MACROD2: variants seen among roughly 807,000 people sequenced by gnomAD.
MACROD2 encodes the protein ADP-ribose glycohydrolase MACROD2.
A neutral mutation model predicts 70.4 loss-of-function variants in MACROD2; 36 were observed. The ratio of observed to expected loss-of-function variants is 0.51; its 90% confidence interval spans 0.39 to 0.68. The LOEUF (loss-of-function observed/expected upper bound fraction) is 0.68, where lower values mean the gene tolerates loss of function less well. MACROD2 is among the 30% of genes least tolerant of loss of function. The pLI, the probability that MACROD2 is intolerant of heterozygous loss-of-function variation, is 0.00. For synonymous variants in MACROD2, 172 were observed against 178.8 expected, an observed-to-expected ratio of 0.96 and a Z score of 0.30; for missense variants, 496 against 538.4, an observed-to-expected ratio of 0.92 and a Z score of 0.78.
intron 3 of MACROD2, among the ~76,000 whole-genome samples, chr20:14,236,683 C>T (rs548451742): frequency 2.8e-4 from 42 of 152,218 alleles, no homozygotes; most frequent in South Asian, 4.1e-4. Context: ...AGCAACCGCC[C>T]TCTCTTTTCA....
At chr20:14,645,285 A>T (rs1429237347) in intron 4 of MACROD2, among the ~76,000 whole-genome samples, 1 of 152,068 alleles carries the variant, frequency 6.6e-6, no homozygotes. Context: ...GAGTCTGTTG[A>T]ATTTTTCATT....
intron 6 of MACROD2, among the ~76,000 whole-genome samples, chr20:15,309,270 A>AT (rs953588527): frequency 3.3e-5 from 5 of 152,182 alleles, no homozygotes; most frequent in Non-Finnish European, 2.9e-5. Flanking sequence ...TGCTTCATTG[A>AT]TTTTGTCAAG....
At position 15,135,516 on chromosome 20, in the gene MACROD2, C is replaced by G. The variant is rs566305121; in HGVS notation, c.419-94424C>G. ...AAGGCCTTTGACAAAATTCAACAAC[C>G]CTTCATGCTAAAAACTCTCAATAAA... On this transcript the variant is annotated intron_variant, in intron 5 of 17. Transcript: ENST00000684519. 1.2e-3 allele frequency among the ~76,000 whole-genome samples: 167 copies of G among 140,590 alleles called. 1 individual carries two copies. Among genetic ancestry groups the G allele is most frequent in the South Asian group, 0.012 (49 of 4,146 alleles). The allele number at this position is 140,590 out of a possible 152,430, so 92.2% of individuals were successfully genotyped here. A position where few individuals can be genotyped will look rare whatever the true frequency, so the allele number is the denominator to read the frequency against.
At chr20:14,880,797 T>G (rs1432965356) in intron 5 of MACROD2, among the ~76,000 whole-genome samples, 1 of 152,184 alleles carries the variant, frequency 6.6e-6, no homozygotes, top group Non-Finnish European at 1.5e-5. Flanking sequence ...ATGGCATGCA[T>G]TATTTTGTAT....
chr20:15,878,896 T>C (rs1282274459), intron 9 of MACROD2, among the ~76,000 whole-genome samples: 1 of 152,164 alleles, frequency 6.6e-6, no homozygotes, highest in Non-Finnish European at 1.5e-5. Context: ...TTTTCACATA[T>C]ATTTTGTGAT....
At chr20:14,253,391 A>T (rs2082027454) in intron 3 of MACROD2, among the ~76,000 whole-genome samples, 1 of 152,042 alleles carries the variant, frequency 6.6e-6, no homozygotes, top group Admixed American at 6.6e-5. Flanking sequence ...ACTGAGGCAG[A>T]ACATAGGTGA....
At chr20:14,189,372 C>G (rs951910717) in intron 3 of MACROD2, among the ~76,000 whole-genome samples, 2 of 151,888 alleles carry the variant, frequency 1.3e-5, no homozygotes, top group Admixed American at 6.6e-5. Flanking sequence ...TTTCAAAAGA[C>G]TTTTATTTAT....
chr20:15,176,583 G>C (rs1463463741), intron 5 of MACROD2, among the ~76,000 whole-genome samples: 3 of 152,128 alleles, frequency 2.0e-5, no homozygotes, highest in Non-Finnish European at 2.9e-5. Context: ...TGACCTGCTT[G>C]TGGAAATGAG....
intron 3 of MACROD2, among the ~76,000 whole-genome samples, chr20:14,435,574 A>T (rs1485430379): frequency 1.3e-5 from 2 of 152,168 alleles, no homozygotes; most frequent in Non-Finnish European, 2.9e-5. Context: ...AGTACCCCTT[A>T]TGCGTCATTA....
At chr20:14,690,793 A>G (rs776353613) in intron 5 of MACROD2, among the ~76,000 whole-genome samples, 1 of 152,202 alleles carries the variant, frequency 6.6e-6, no homozygotes, top group Non-Finnish European at 1.5e-5. Context: ...GGCTGCTTTC[A>G]TGTGGCAGAG....
intron 8 of MACROD2, among the ~76,000 whole-genome samples, chr20:15,541,402 A>G (rs1490575630): frequency 6.6e-6 from 1 of 152,172 alleles, no homozygotes; most frequent in African/African-American, 2.4e-5. Flanking sequence ...CAAGTAGAAA[A>G]AATAGGAGAC....
intron 5 of MACROD2, among the ~76,000 whole-genome samples, chr20:14,779,267 C>T (rs1361407845): frequency 6.6e-6 from 1 of 152,130 alleles, no homozygotes; most frequent in African/African-American, 2.4e-5. Flanking sequence ...TTGCCATTCT[C>T]AATACTAGTC....
chr20:15,356,789 A>T (rs1396442438), intron 6 of MACROD2, among the ~76,000 whole-genome samples: 1 of 152,152 alleles, frequency 6.6e-6, no homozygotes, highest in Admixed American at 6.5e-5. Context: ...CTCAAAAAAA[A>T]TTTTTACTGT....
chr20:14,752,287 TA>T (rs978119160), intron 5 of MACROD2, among the ~76,000 whole-genome samples: 1 of 152,050 alleles, frequency 6.6e-6, no homozygotes, highest in Non-Finnish European at 1.5e-5. Flanking sequence ...AATTTAAATT[TA>T]AAACATTTAT....
In MACROD2 at chr20:14,334,795, CTT is replaced by C. The variant is rs11087087; in HGVS notation, c.272-158674_272-158673del. ...TTGATTTAAACAGTTATTTCTAATG[CTT>C]TTTTTTTTTAAATAAATGGGTTTGA... On this transcript the variant is annotated intron_variant, in intron 3 of 17. Coordinates refer to ENST00000684519, the MANE Select transcript of MACROD2 (RefSeq NM_001351661.2). Among the ~76,000 whole-genome samples the C allele has an allele frequency of 3.9e-3, 575 of 148,698 alleles. 4 individuals are homozygous for C. The highest frequency in any genetic ancestry group is 8.4e-3 in the South Asian group (39 of 4,654).
intron 15 of MACROD2, among the ~76,000 whole-genome samples, chr20:15,995,860 T>G (rs555441171): frequency 0.078 from 1,159 of 14,948 alleles, 19 homozygotes; most frequent in African/African-American, 0.15. Context: ...AAATGTGAGG[T>G]GTGTGTGTGT....
At chr20:15,262,994 T>C (rs2077262414) in intron 6 of MACROD2, among the ~76,000 whole-genome samples, 1 of 152,174 alleles carries the variant, frequency 6.6e-6, no homozygotes, top group African/African-American at 2.4e-5. Flanking sequence ...GTGGGTTGTT[T>C]CTTCACTTTG....
At chr20:15,745,424 C>G (rs2146970891) in intron 8 of MACROD2, among the ~76,000 whole-genome samples, 1 of 152,202 alleles carries the variant, frequency 6.6e-6, no homozygotes, top group Middle Eastern at 3.4e-3. Flanking sequence ...AGTGCTTTTT[C>G]AAGCACTTTT....
At chr20:14,705,745 A>G (rs2123648691) in intron 5 of MACROD2, among the ~76,000 whole-genome samples, 1 of 152,318 alleles carries the variant, frequency 6.6e-6, no homozygotes. Flanking sequence ...TTCTAAATTC[A>G]TTCATAGCTT....
Sources: gnomAD v4.1 joint callset for allele counts (sites outside exome capture counted in the v4.1 genomes callset) on GRCh38, gnomAD v4.1.1 for gene constraint, MANE v1.5 for transcripts, NCBI Gene and HGNC (gene_info 2026-07-23, HGNC 2026-07-21) for gene names.